Variants in SLC24A3 observed in about 807,000 individuals in gnomAD.
SLC24A3 encodes the protein sodium/potassium/calcium exchanger 3.
In SLC24A3, 28 loss-of-function variants were observed where a neutral mutation model predicts 75.8. The observed-to-expected ratio is 0.37, with a 90% confidence interval of 0.27 to 0.51. The LOEUF (loss-of-function observed/expected upper bound fraction) is 0.51. Ranked by LOEUF, SLC24A3 falls within the 20% of genes least tolerant of loss-of-function variation. The pLI is 0.94. For synonymous variants in SLC24A3, 372 were observed against 334.1 expected (o/e 1.11, Z -1.24); for missense variants, 663 against 847.8 (o/e 0.78, Z 2.71).
chr20:19,471,454 G>A (rs529023556), intron 2 of SLC24A3, among the ~76,000 whole-genome samples: 5 of 152,290 alleles, frequency 3.3e-5, no homozygotes, highest in African/African-American at 4.8e-5. Context: ...GCCAGATGCC[G>A]TCTCTGTGAA....
In SLC24A3 at chr20:19,371,086, C is replaced by A. The variant is rs1489340156; in HGVS notation, c.271+89999C>A. On this transcript the variant is annotated intron_variant, in intron 2 of 16. Coordinates refer to ENST00000328041, the MANE Select transcript of SLC24A3 (RefSeq NM_020689.4). ...GAGCAAGGATTTGGGTGCAGTGCAT[C>A]CCTCTGGGAGGTGAATGAGGACAGG... is the stretch of plus-strand genomic sequence containing the variant. Among the ~76,000 whole-genome samples the A allele has an allele frequency of 2.0e-5, 3 of 152,158 alleles. 1 individual carries two copies. In the East Asian group the frequency reaches 5.8e-4, roughly 29 times the overall value.
At chr20:19,404,707 G>A (rs1008684993) in intron 2 of SLC24A3, among the ~76,000 whole-genome samples, 1 of 152,170 alleles carries the variant, frequency 6.6e-6, no homozygotes, top group African/African-American at 2.4e-5. Context: ...AGTCATGTGT[G>A]GTCTGTTCAG....
At chr20:19,217,749 C>T (rs1981601209) in intron 1 of SLC24A3, among the ~76,000 whole-genome samples, 1 of 152,084 alleles carries the variant, frequency 6.6e-6, no homozygotes, top group Non-Finnish European at 1.5e-5. Flanking sequence ...TCTGGTTTTT[C>T]CTCTGCTCCT....
chr20:19,295,300 C>T (rs1398550409), intron 2 of SLC24A3, among the ~76,000 whole-genome samples: 2 of 152,214 alleles, frequency 1.3e-5, no homozygotes, highest in Non-Finnish European at 2.9e-5. Context: ...TTCATGTAAT[C>T]TGCAAACAGA....
At position 19,594,926 on chromosome 20, in the gene SLC24A3, A is replaced by G. The variant is rs1302587989; in HGVS notation, c.612+9382A>G. Among the ~76,000 whole-genome samples, 4 of 152,230 alleles carry G rather than the reference A, an allele frequency of 2.6e-5. No individual in the cohort carries two copies. In the East Asian group the frequency reaches 5.8e-4, roughly 22 times the overall value. The stretch of plus-strand genomic sequence containing the variant: ...AAGCACTGATAGCATAGTGCCGTGA[A>G]AAAATATTAAGACATTGCACTCTGT... On this transcript the variant is annotated intron_variant, in intron 6 of 16. Transcript: ENST00000328041.
At chr20:19,440,098 C>T (rs1398368969) in intron 2 of SLC24A3, among the ~76,000 whole-genome samples, 1 of 152,218 alleles carries the variant, frequency 6.6e-6, no homozygotes, top group Non-Finnish European at 1.5e-5. Flanking sequence ...ATGTGAGAAT[C>T]CTCAAGCACT....
At chr20:19,499,850 G>T (rs569063673) in intron 2 of SLC24A3, among the ~76,000 whole-genome samples, 23 of 152,202 alleles carry the variant, frequency 1.5e-4, no homozygotes, top group Non-Finnish European at 3.2e-4. Context: ...TACACACATG[G>T]ATTATACATA....
intron 1 of SLC24A3, among the ~76,000 whole-genome samples, chr20:19,241,238 G>A (rs1243929530): frequency 6.6e-6 from 1 of 152,232 alleles, no homozygotes; most frequent in South Asian, 2.1e-4. Flanking sequence ...GGGGAGGTGT[G>A]CCTGTCTCAG....
intron 2 of SLC24A3, among the ~76,000 whole-genome samples, chr20:19,399,955 A>G (rs1186479903): frequency 6.6e-6 from 1 of 152,200 alleles, no homozygotes; most frequent in East Asian, 1.9e-4. Flanking sequence ...AATCTTGTCC[A>G]GCATATTTTT....
chr20:19,357,156 A>G (rs1328075230), intron 2 of SLC24A3, among the ~76,000 whole-genome samples: 1 of 152,132 alleles, frequency 6.6e-6, no homozygotes, highest in Non-Finnish European at 1.5e-5. Flanking sequence ...AGAAGATATG[A>G]AGGTGGAGGC....
At chr20:19,304,442 A>G (rs1234171146) in intron 2 of SLC24A3, among the ~76,000 whole-genome samples, 1 of 152,176 alleles carries the variant, frequency 6.6e-6, no homozygotes, top group African/African-American at 2.4e-5. Flanking sequence ...CCTACTTGCA[A>G]TGGCCCTTCC....
chr20:19,394,509 G>A (rs569457455), intron 2 of SLC24A3, among the ~76,000 whole-genome samples: 3 of 152,058 alleles, frequency 2.0e-5, no homozygotes, highest in African/African-American at 7.2e-5. Flanking sequence ...ACATCTAAAA[G>A]CAAATGAGAA....
chr20:19,488,602 C>T (rs1485737031), intron 2 of SLC24A3, among the ~76,000 whole-genome samples: 1 of 152,126 alleles, frequency 6.6e-6, no homozygotes, highest in Non-Finnish European at 1.5e-5. Flanking sequence ...GAAAATTGGC[C>T]AAACTACATT....
At chr20:19,704,901 C>T (rs2032912357) in intron 15 of SLC24A3, among the ~76,000 whole-genome samples, 1 of 152,060 alleles carries the variant, frequency 6.6e-6, no homozygotes, top group South Asian at 2.1e-4. Context: ...TAGTTCTTAG[C>T]TCAGTTCTGC....
At chr20:19,537,481 G>A (rs1023093485) in intron 3 of SLC24A3, among the ~76,000 whole-genome samples, 2 of 152,124 alleles carry the variant, frequency 1.3e-5, no homozygotes, top group Admixed American at 6.5e-5. Flanking sequence ...ATTCCTCAGG[G>A]ATCTAGAACT....
intron 2 of SLC24A3, among the ~76,000 whole-genome samples, chr20:19,329,262 TATA>T (rs1165248668): frequency 2.6e-5 from 4 of 152,092 alleles, no homozygotes; most frequent in East Asian, 1.9e-4. Context: ...AAAACGAAAG[TATA>T]ATAATAAAAA....
intron 1 of SLC24A3, among the ~76,000 whole-genome samples, chr20:19,265,301 A>G (rs563461759): frequency 5.9e-5 from 9 of 152,142 alleles, no homozygotes; most frequent in Admixed American, 1.3e-4. Flanking sequence ...ATCTTAATTC[A>G]CAATTTCCCC....
chr20:19,554,714 C>A (rs2030755693), intron 3 of SLC24A3, among the ~76,000 whole-genome samples: 1 of 152,220 alleles, frequency 6.6e-6, no homozygotes, highest in African/African-American at 2.4e-5. Flanking sequence ...CAGAGTAATA[C>A]ATCAGGGGCT....
At chr20:19,265,266 C>G (rs1366826130) in intron 1 of SLC24A3, among the ~76,000 whole-genome samples, 1 of 152,218 alleles carries the variant, frequency 6.6e-6, no homozygotes, top group African/African-American at 2.4e-5. Flanking sequence ...GTAGCTTGTA[C>G]TTGAAACTTT....
Sources: gnomAD v4.1 joint callset for allele counts (sites outside exome capture counted in the v4.1 genomes callset) on GRCh38, gnomAD v4.1.1 for gene constraint, MANE v1.5 for transcripts, NCBI Gene and HGNC (gene_info 2026-07-23, HGNC 2026-07-21) for gene names.